FAM210A: variants seen among roughly 807,000 people sequenced by gnomAD.
FAM210A encodes the protein family with sequence similarity 210 member A.
Under a neutral mutation model 25.3 loss-of-function variants are expected in FAM210A, and 13 were observed. The ratio of observed to expected loss-of-function variants is 0.51; its 90% CI spans 0.33 to 0.82. FAM210A has a LOEUF of 0.82. Ranked by LOEUF, FAM210A falls within the 40% of genes least tolerant of loss-of-function variation. The pLI is 0.02. For missense variants in FAM210A, 319 were observed against 323.2 expected, an observed-to-expected ratio of 0.99 and a Z score of 0.10; for synonymous variants, 125 against 118.7, an observed-to-expected ratio of 1.05 and a Z score of -0.35.
At chr18:13,714,879 G>T (rs2043847824) in intron 1 of FAM210A, among the ~76,000 whole-genome samples, 1 of 152,072 alleles carries the variant, frequency 6.6e-6, no homozygotes. Context: ...TAGAAGCTTA[G>T]ATTGTCCCCA....
intron 1 of FAM210A, among the ~76,000 whole-genome samples, chr18:13,692,891 A>G (rs2043659695): frequency 6.6e-6 from 1 of 152,220 alleles, no homozygotes; most frequent in Non-Finnish European, 1.5e-5. Context: ...AGAAATAACT[A>G]AGATCAGAGC....
intron 1 of FAM210A, among the ~76,000 whole-genome samples, chr18:13,725,783 G>A (rs1479071879): frequency 6.6e-6 from 1 of 152,132 alleles, no homozygotes; most frequent in South Asian, 2.1e-4. Flanking sequence ...AAAGTGTGTT[G>A]TCTCCCCCAA....
chr18:13,674,066 GATT>G (rs2043469786), intron 2 of FAM210A, among the ~76,000 whole-genome samples: 1 of 149,104 alleles, frequency 6.7e-6, no homozygotes, highest in Non-Finnish European at 1.5e-5. Flanking sequence ...CCAGTTTCCT[GATT>G]ATTATAATTC....
At chr18:13,671,765 C>T (rs1423398897) in intron 3 of FAM210A, 97 bp downstream of exon 3, 8 of 689,926 alleles carry the variant, frequency 1.2e-5, no homozygotes, top group East Asian at 5.2e-5. Flanking sequence ...TTTCAAGTTA[C>T]GAAATACAAT....
intron 2 of FAM210A, among the ~76,000 whole-genome samples, chr18:13,676,743 T>C (rs2043506891): frequency 6.6e-6 from 1 of 152,220 alleles, no homozygotes; most frequent in South Asian, 2.1e-4. Flanking sequence ...CTTCTCAGCA[T>C]TCTATGGTGG....
intron 2 of FAM210A, among the ~76,000 whole-genome samples, chr18:13,681,289 T>C (rs915242393): frequency 5.3e-5 from 8 of 152,146 alleles, no homozygotes; most frequent in Admixed American, 6.6e-5. Flanking sequence ...CTGAGTTATT[T>C]TGGGAAAAGC....
intron 1 of FAM210A, among the ~76,000 whole-genome samples, chr18:13,682,314 C>A (rs747043720): frequency 3.9e-5 from 6 of 152,138 alleles, no homozygotes; most frequent in Non-Finnish European, 7.3e-5. Flanking sequence ...TACCTGTAAC[C>A]CCAGCACTTT....
intron 3 of FAM210A, among the ~76,000 whole-genome samples, chr18:13,671,649 A>T (rs906468458): frequency 6.6e-6 from 1 of 150,980 alleles, no homozygotes; most frequent in Non-Finnish European, 1.5e-5. Flanking sequence ...AGATGGCATC[A>T]CTGCACTCCA....
chr18:13,722,096 C>T (rs2043901712), intron 1 of FAM210A, among the ~76,000 whole-genome samples: 1 of 151,982 alleles, frequency 6.6e-6, no homozygotes, highest in African/African-American at 2.4e-5. Flanking sequence ...AGCTTCCATT[C>T]ACTTGACCTA....
intron 1 of FAM210A, among the ~76,000 whole-genome samples, chr18:13,725,171 G>A (rs1178715727): frequency 1.3e-5 from 2 of 152,100 alleles, no homozygotes; most frequent in African/African-American, 4.8e-5. Context: ...TCAGGAACAG[G>A]GAATGTAATT....
At chr18:13,697,869 A>C (rs116555646) in intron 1 of FAM210A, among the ~76,000 whole-genome samples, 1,873 of 152,270 alleles carry the variant, frequency 0.012, 43 homozygotes, top group African/African-American at 0.04. Context: ...CCTTCATACA[A>C]ACAGAACATT....
intron 1 of FAM210A, among the ~76,000 whole-genome samples, chr18:13,721,652 G>C (rs2043898333): frequency 1.3e-5 from 2 of 152,148 alleles, no homozygotes; most frequent in Non-Finnish European, 2.9e-5. Flanking sequence ...GCCAGTTGCT[G>C]AGTATGTCTA....
intron 1 of FAM210A, among the ~76,000 whole-genome samples, chr18:13,688,165 G>C (rs1032063123): frequency 6.6e-6 from 1 of 152,188 alleles, no homozygotes; most frequent in Non-Finnish European, 1.5e-5. Flanking sequence ...TAGGCAGACA[G>C]GGACAGGTCC....
intron 1 of FAM210A, among the ~76,000 whole-genome samples, chr18:13,692,350 A>G (rs537027268): frequency 6.6e-6 from 1 of 152,286 alleles, no homozygotes; most frequent in East Asian, 1.9e-4. Context: ...ATGAGACAGA[A>G]AGTTAACAAG....
Position 13,711,241 on chromosome 18 carries a change from G to A in FAM210A, c.-29+15088C>T, listed in dbSNP as rs1413516436. 2.0e-5 allele frequency among the ~76,000 whole-genome samples: 3 copies of A among 152,110 alleles called. No homozygotes were observed. The East Asian group carries it at 5.8e-4, about 29-fold the overall frequency. On this transcript the variant is annotated intron_variant, in intron 1 of 3. Transcript: ENST00000651643. ...CAAAAATTAGCCGGGCATCGTGGTG[G>A]GTGCCTGTAATCCCAGCTTCTTGGG... is the stretch of plus-strand genomic sequence containing the variant.
chr18:13,691,446 C>T (rs1651904080), intron 1 of FAM210A, among the ~76,000 whole-genome samples: 1 of 152,070 alleles, frequency 6.6e-6, no homozygotes, highest in Non-Finnish European at 1.5e-5. Context: ...CTCTGAGACA[C>T]ATAATTGTCA....
chr18:13,701,979 C>A (rs190800946), intron 1 of FAM210A, among the ~76,000 whole-genome samples: 1 of 152,318 alleles, frequency 6.6e-6, no homozygotes. Context: ...CTTGCCAGTT[C>A]GATAATTTGG....
intron 1 of FAM210A, chr18:13,697,482 CA>C: frequency 5.8e-6 from 1 of 171,938 alleles, no homozygotes; most frequent in Non-Finnish European, 1.2e-5. Flanking sequence ...GGTGGGAATG[CA>C]AAATGGTGCA....
Position 13,682,036 on chromosome 18 carries a change from G to GCGTGC in FAM210A, c.37_41dup (p.Arg15HisfsTer20), listed in dbSNP as rs779670880. The GCGTGC allele has an allele frequency of 6.2e-7, 1 of 1,611,810 alleles. No homozygotes were observed. The highest frequency in any genetic ancestry group is 1.1e-5 in the South Asian group (1 of 90,716). On this transcript the variant is annotated frameshift_variant, in exon 2 of 4. Coordinates refer to ENST00000651643, the MANE Select transcript of FAM210A (RefSeq NM_152352.4). LOFTEE classifies it high-confidence loss of function. The stretch of plus-strand genomic sequence containing the variant: ...CATTATGTGGTTCCAAGCATGTCCT[G>GCGTGC]CGTGCCAGTCGAGATACAGTCCGTG...
Sources: allele counts gnomAD v4.1 joint callset (sites outside exome capture counted in the v4.1 genomes callset), GRCh38; gene constraint gnomAD v4.1.1; transcripts MANE v1.5; gene names NCBI Gene and HGNC (gene_info 2026-07-23, HGNC 2026-07-21).